Variants in IRGM observed in about 807,000 individuals in gnomAD.
IRGM encodes immunity related GTPase M, also known as immunity-related GTPase family M protein.
For missense variants in IRGM, 288 were observed against 219.9 expected (o/e 1.31, Z -1.96); for synonymous variants, 98 against 80.6 (o/e 1.22, Z -1.16).
Position 150,860,786 on chromosome 5 carries a change from C to T in IRGM, c.158+12132C>T, listed in dbSNP as rs1051553748. Reference sequence around the variant, plus strand: ...AGACACAGCTACTAGGCTGATTGCTCGGGGTCTGTGCTACCTGCCTTGCTC... The same window carrying T: ...AGACACAGCTACTAGGCTGATTGCTTGGGGTCTGTGCTACCTGCCTTGCTC... On this transcript the variant is annotated intron_variant and NMD_transcript_variant, in intron 1 of 3. Transcript: ENST00000520549. Among the ~76,000 whole-genome samples the T allele has an allele frequency of 6.6e-5, 10 of 152,326 alleles. No homozygotes were observed. The South Asian group carries it at 1.2e-3, about 19-fold the overall frequency.
intron 1 of IRGM, among the ~76,000 whole-genome samples, chr5:150,877,738 A>C (rs568695031): frequency 6.6e-6 from 1 of 152,266 alleles, no homozygotes; most frequent in African/African-American, 2.4e-5. Context: ...TGCTAACCCT[A>C]TAGGGCAGTG....
intron 1 of IRGM, among the ~76,000 whole-genome samples, chr5:150,857,258 A>G (rs527886303): frequency 3.0e-4 from 45 of 152,298 alleles, no homozygotes; most frequent in African/African-American, 1.1e-3. Flanking sequence ...AAAGGACATG[A>G]ACTCATCATT....
At chr5:150,873,279 T>C (rs1417972885) in intron 1 of IRGM, among the ~76,000 whole-genome samples, 1 of 152,168 alleles carries the variant, frequency 6.6e-6, no homozygotes, top group African/African-American at 2.4e-5. Flanking sequence ...AAAAGACTAA[T>C]TTGAATTATA....
rs1561741801 is a variant in IRGM at position 150,856,931 on chromosome 5, A to ATTAT, written c.158+8280_158+8283dup. ...AATAAATATTTATTATTTATTATTT[A>ATTAT]TTATTTTATTTTATTATACTTTAAG... is the stretch of plus-strand genomic sequence containing the variant. On this transcript the variant is annotated intron_variant and NMD_transcript_variant, in intron 1 of 3. Coordinates refer to the IRGM transcript ENST00000520549. Among the ~76,000 whole-genome samples the ATTAT allele has an allele frequency of 3.4e-5, 5 of 146,702 alleles. No homozygotes were observed. In the East Asian group the frequency reaches 5.9e-4, roughly 17 times the overall value.
chr5:150,876,186 G>C (rs909513015), intron 1 of IRGM, among the ~76,000 whole-genome samples: 9 of 152,188 alleles, frequency 5.9e-5, no homozygotes, highest in African/African-American at 2.2e-4. Context: ...ACTTTGCAGG[G>C]CTGGGGCAAA....
At chr5:150,885,719 CTGT>C (rs1754510597) in intron 3 of IRGM, among the ~76,000 whole-genome samples, 1 of 152,004 alleles carries the variant, frequency 6.6e-6, no homozygotes, top group African/African-American at 2.4e-5. Flanking sequence ...CTTGGCTTGG[CTGT>C]TGTTGGTGTA....
Position 150,848,357 on chromosome 5 carries a change from T to C in IRGM, c.234T>C (p.Tyr78=). The C allele has an allele frequency of 6.4e-7, 1 of 1,551,848 alleles. No individual in the cohort carries two copies. Among genetic ancestry groups the C allele is most frequent in the South Asian group, 1.2e-5 (1 of 84,064 alleles). Residue 78 remains tyrosine, a synonymous_variant, in exon 2 of 2, where the codon TAT becomes TAC. Transcript: ENST00000522154. ...LVKATQRCAS[Y]FSSHFSNVVL... ...AAGCTACCCAAAGATGTGCCTCCTA[T>C]TTCTCTTCCCACTTTTCAAATGTGG...
At chr5:150,895,572 T>C (rs1561754386) in intron 3 of IRGM, 2 of 1,613,568 alleles carry the variant, frequency 1.2e-6, no homozygotes, top group Non-Finnish European at 1.7e-6. Context: ...AGAAAAGGCC[T>C]TTCCACATTC....
At chr5:150,860,465 T>C (rs1754120445) in intron 1 of IRGM, among the ~76,000 whole-genome samples, 1 of 152,240 alleles carries the variant, frequency 6.6e-6, no homozygotes, top group Non-Finnish European at 1.5e-5. Context: ...TTTGGGGGAA[T>C]CCTAAATCCT....
intron 1 of IRGM, among the ~76,000 whole-genome samples, chr5:150,874,803 T>G (rs78939081): frequency 0.039 from 5,931 of 152,256 alleles, 195 homozygotes; most frequent in East Asian, 0.18. Flanking sequence ...CCTCTAGGAT[T>G]GTGGAGCAAG....
At position 150,896,726 on chromosome 5, in the gene IRGM, A is replaced by C. The variant is rs142975240; in HGVS notation, c.*141-3863A>C. ...ATATATCTGTTTCTATGCACTCTTG[A>C]AATATTTTCCCCAGTGGATTATATT... On this transcript the variant is annotated intron_variant and NMD_transcript_variant, in intron 3 of 3. Coordinates refer to the IRGM transcript ENST00000520549. 2.2e-3 allele frequency: 3,559 copies of C among 1,613,598 alleles called. 121 individuals are homozygous for C. In the Admixed American group the frequency reaches 0.051, roughly 23 times the overall value.
chr5:150,851,732 T>C (rs1044857916), downstream of IRGM, among the ~76,000 whole-genome samples: 7 of 152,248 alleles, frequency 4.6e-5, no homozygotes, highest in Admixed American at 1.3e-4. Flanking sequence ...TCCCTCCTTG[T>C]AACCACTGAT....
chr5:150,855,563 A>C (rs1026021865), intron 1 of IRGM, among the ~76,000 whole-genome samples: 6 of 152,200 alleles, frequency 3.9e-5, no homozygotes, highest in Non-Finnish European at 7.3e-5. Context: ...AAAAGTGACA[A>C]GGAGGAATGG....
At chr5:150,898,001 A>T in intron 3 of IRGM, 2 of 1,565,844 alleles carry the variant, frequency 1.3e-6, no homozygotes. Flanking sequence ...TTTGATAAGG[A>T]TAGAAACATA....
chr5:150,895,524 G>C (rs753161348), intron 3 of IRGM: 1 of 1,613,478 alleles, frequency 6.2e-7, no homozygotes, highest in African/African-American at 1.3e-5. Context: ...TCTTTCCCCA[G>C]TATGAATCCT....
At chr5:150,865,697 G>A (rs6862814) in intron 1 of IRGM, among the ~76,000 whole-genome samples, 31,195 of 151,964 alleles carry the variant, frequency 0.21, 5,105 homozygotes, top group African/African-American at 0.44. Flanking sequence ...GGGAAAACAC[G>A]CCTCTCCACA....
chr5:150,856,582 T>C (rs923158674), intron 1 of IRGM, among the ~76,000 whole-genome samples: 2 of 151,950 alleles, frequency 1.3e-5, no homozygotes, highest in South Asian at 2.1e-4. Context: ...TATCTACCAA[T>C]TGGGGTAGTG....
At chr5:150,864,639 C>A (rs75801466) in intron 1 of IRGM, among the ~76,000 whole-genome samples, 180 of 152,338 alleles carry the variant, frequency 1.2e-3, no homozygotes, top group African/African-American at 4.1e-3. Context: ...AAATGGCAGA[C>A]AATGAGCCAT....
intron 3 of IRGM, chr5:150,898,289 C>T: frequency 6.3e-7 from 1 of 1,589,690 alleles, no homozygotes; most frequent in African/African-American, 1.3e-5. Flanking sequence ...TAGCCCTCAA[C>T]AAAGGCATAA....
Sources: gnomAD v4.1 joint callset for allele counts (sites outside exome capture counted in the v4.1 genomes callset) on GRCh38, gnomAD v4.1.1 for gene constraint, MANE v1.5 for transcripts, NCBI Gene and HGNC (gene_info 2026-07-23, HGNC 2026-07-21) for gene names.